Variants in FANCC observed in about 807,000 individuals in gnomAD.
The protein encoded by FANCC is Fanconi anemia group C protein.
In FANCC, 55 loss-of-function variants were observed where a neutral mutation model predicts 71.3. The observed-to-expected ratio is 0.77, with a 90% CI of 0.62 to 0.97. The LOEUF (loss-of-function observed/expected upper bound fraction) is 0.97, where lower values mean the gene tolerates loss of function less well. Among genes scored for constraint, FANCC ranks in the 50% least tolerant of loss-of-function variants. The pLI is 0.00. For missense variants in FANCC, 678 were observed against 670.9 expected, an observed-to-expected ratio of 1.01 and a Z score of -0.12; for synonymous variants, 275 against 244.9, an observed-to-expected ratio of 1.12 and a Z score of -1.15.
At chr9:95,147,186 A>C (rs1469996783) in intron 7 of FANCC, among the ~76,000 whole-genome samples, 3 of 152,170 alleles carry the variant, frequency 2.0e-5, no homozygotes, top group Admixed American at 6.5e-5. Context: ...ATGAGGATTA[A>C]AAGATTCAAT....
At position 95,162,432 on chromosome 9, in the gene FANCC, T is replaced by C. The variant is rs190379420; in HGVS notation, c.521+8647A>G. On this transcript the variant is annotated intron_variant, in intron 6 of 14. Transcript: ENST00000289081. The stretch of plus-strand genomic sequence containing the variant: ...CAATGAACATGGGTGTGCAAATATC[T>C]CTTAGAGATTTTGTTCCCAATTATT... Among the ~76,000 whole-genome samples, 80 of 152,328 alleles carry C rather than the reference T, an allele frequency of 5.3e-4. 1 individual carries two copies. In the South Asian group the frequency reaches 8.7e-3, roughly 17 times the overall value.
chr9:95,110,547 T>G, intron 13 of FANCC: 1 of 1,032,216 alleles, frequency 9.7e-7, no homozygotes, highest in Non-Finnish European at 1.2e-6. Context: ...TGATCCAAAA[T>G]AAATTATCAC....
At chr9:95,260,242 T>A (rs781595252) in intron 1 of FANCC, among the ~76,000 whole-genome samples, 2 of 152,176 alleles carry the variant, frequency 1.3e-5, no homozygotes, top group African/African-American at 2.4e-5. Flanking sequence ...TGCACACATG[T>A]ATGTTTATTG....
chr9:95,107,546 TCTC>T, intron 13 of FANCC: 2 of 544,492 alleles, frequency 3.7e-6, no homozygotes, highest in Non-Finnish European at 6.6e-6. Context: ...AGAGAAAAGT[TCTC>T]AACAGAATGT....
chr9:95,202,878 T>C (rs910832535), intron 4 of FANCC, among the ~76,000 whole-genome samples: 4 of 152,190 alleles, frequency 2.6e-5, no homozygotes, highest in African/African-American at 7.2e-5. Flanking sequence ...CTTACTGAAA[T>C]TGCCATAGAT....
rs943110096 is a variant in FANCC, at chr9:95,177,784, C to T, written c.346-5637G>A. Among the ~76,000 whole-genome samples the T allele has an allele frequency of 2.0e-5, 3 of 152,190 alleles. No homozygotes were observed. The South Asian group carries it at 6.2e-4, about 32-fold the overall frequency. On this transcript the variant is annotated intron_variant, in intron 4 of 14. Transcript: ENST00000289081. ...TGTGCTGGTGTGAATGCAAACCCCGCTCTCTGGCTGCCAAGCATGCATGTG... is the reference window on the plus strand; with the variant it reads ...TGTGCTGGTGTGAATGCAAACCCCGTTCTCTGGCTGCCAAGCATGCATGTG...
intron 13 of FANCC, among the ~76,000 whole-genome samples, chr9:95,108,597 C>CTAAG (rs1379513837): frequency 5.9e-5 from 9 of 152,150 alleles, no homozygotes; most frequent in Middle Eastern, 3.2e-3. Flanking sequence ...TAAACATGTC[C>CTAAG]TAAGTTTTTC....
At chr9:95,158,011 C>T (rs992085496) in intron 6 of FANCC, among the ~76,000 whole-genome samples, 5 of 152,098 alleles carry the variant, frequency 3.3e-5, no homozygotes, top group Admixed American at 1.3e-4. Context: ...AGAAAAGTTG[C>T]GCTTAGAGAT....
At chr9:95,300,800 G>A (rs147788455) in intron 1 of FANCC, among the ~76,000 whole-genome samples, 2 of 152,068 alleles carry the variant, frequency 1.3e-5, no homozygotes, top group Non-Finnish European at 2.9e-5. Flanking sequence ...AGAATGAGAG[G>A]ACCACCATCA....
intron 12 of FANCC, chr9:95,113,625 A>ATTTT (rs201747723): frequency 1.3e-5 from 2 of 149,222 alleles, no homozygotes; most frequent in Non-Finnish European, 3.0e-5. Context: ...CAAAAAAAAA[A>ATTTT]ATTTTTTTTT....
chr9:95,206,184 G>A lies in FANCC; in HGVS notation c.346-34037C>T, dbSNP rs143298146. On this transcript the variant is annotated intron_variant, in intron 4 of 14. Coordinates refer to ENST00000289081, the MANE Select transcript of FANCC (RefSeq NM_000136.3). ...TTTAGAGGAGGAGGCGGGAGAAGGA[G>A]GAAGGAGAAAGGAAAAGCAACCTAA... Among the ~76,000 whole-genome samples, 22 of 152,280 alleles carry A rather than the reference G, an allele frequency of 1.4e-4. No homozygotes were observed. In the East Asian group the frequency reaches 4.2e-3, roughly 29 times the overall value.
chr9:95,293,544 A>G, intron 1 of FANCC: 11 of 1,611,184 alleles, frequency 6.8e-6, no homozygotes, highest in Non-Finnish European at 1.7e-6. Flanking sequence ...ACTAGGGAAC[A>G]CATGTCAGAA....
At chr9:95,215,655 G>A (rs533187241) in intron 4 of FANCC, among the ~76,000 whole-genome samples, 1 of 152,298 alleles carries the variant, frequency 6.6e-6, no homozygotes, top group African/African-American at 2.4e-5. Context: ...CTTCTGCCTG[G>A]TTCTCTTGGG....
At chr9:95,183,835 G>T (rs1213933264) in intron 4 of FANCC, among the ~76,000 whole-genome samples, 2 of 152,202 alleles carry the variant, frequency 1.3e-5, no homozygotes, top group African/African-American at 4.8e-5. Context: ...TATTTAAATA[G>T]AAGTTATAAT....
intron 6 of FANCC, among the ~76,000 whole-genome samples, chr9:95,158,128 A>G (rs1830548877): frequency 6.6e-6 from 1 of 152,150 alleles, no homozygotes; most frequent in South Asian, 2.1e-4. Context: ...TTTCAATTGC[A>G]CAAACATCCA....
intron 1 of FANCC, among the ~76,000 whole-genome samples, chr9:95,265,800 T>G (rs1345882784): frequency 2.0e-5 from 3 of 152,218 alleles, no homozygotes; most frequent in African/African-American, 7.2e-5. Flanking sequence ...GAGCCTATTT[T>G]ATGACAAGAG....
At chr9:95,254,067 G>A (rs528904816) in intron 1 of FANCC, among the ~76,000 whole-genome samples, 78 of 152,262 alleles carry the variant, frequency 5.1e-4, no homozygotes, top group African/African-American at 1.8e-3. Context: ...TGTGGCCCGG[G>A]GCTTGGGGAA....
At chr9:95,209,208 C>T (rs1828335422) in intron 4 of FANCC, among the ~76,000 whole-genome samples, 1 of 152,168 alleles carries the variant, frequency 6.6e-6, no homozygotes, top group South Asian at 2.1e-4. Flanking sequence ...AGATCACTGG[C>T]TGCTAGGGAT....
At chr9:95,252,682 T>C (rs1831422017) in intron 1 of FANCC, among the ~76,000 whole-genome samples, 1 of 146,058 alleles carries the variant, frequency 6.8e-6, no homozygotes, top group African/African-American at 2.6e-5. Flanking sequence ...GGAGACAGCT[T>C]GTAAGTGAGC....
Sources: allele counts gnomAD v4.1 joint callset (sites outside exome capture counted in the v4.1 genomes callset), GRCh38; gene constraint gnomAD v4.1.1; transcripts MANE v1.5; gene names NCBI Gene and HGNC (gene_info 2026-07-23, HGNC 2026-07-21).